The following DLGAP2 variants were observed in gnomAD, a reference collection of about 807,000 sequenced individuals.
DLGAP2 encodes the protein DLG associated protein 2.
DLGAP2 carries 26 observed loss-of-function variants against 100.3 expected under a neutral mutation model. The ratio of observed to expected loss-of-function variants is 0.26; its 90% CI spans 0.19 to 0.36. The LOEUF is 0.36. Ranked by LOEUF, DLGAP2 falls within the 10% of genes least tolerant of loss-of-function variation. DLGAP2 has a pLI of 1.00. For synonymous variants in DLGAP2, 886 were observed against 630.1 expected (o/e 1.41, Z -6.08); for missense variants, 1,858 against 1,453.2 (o/e 1.28, Z -4.53).
At chr8:1,284,947 C>T (rs1314727597) in intron 3 of DLGAP2, among the ~76,000 whole-genome samples, 1 of 152,220 alleles carries the variant, frequency 6.6e-6, no homozygotes, top group African/African-American at 2.4e-5. Context: ...CCCATCTTTG[C>T]ACCAGATTCT....
intron 2 of DLGAP2, among the ~76,000 whole-genome samples, chr8:1,099,907 G>T (rs891669114): frequency 6.6e-6 from 1 of 152,200 alleles, no homozygotes; most frequent in African/African-American, 2.4e-5. Context: ...ATGCCGCAAA[G>T]CTCTTACAGT....
At chr8:1,124,811 G>T (rs1026244221) in intron 2 of DLGAP2, among the ~76,000 whole-genome samples, 3 of 152,186 alleles carry the variant, frequency 2.0e-5, no homozygotes, top group Non-Finnish European at 4.4e-5. Context: ...TCTCGTTTTA[G>T]TGGGTAGAAG....
chr8:1,024,637 A>G (rs1220880101), intron 2 of DLGAP2, among the ~76,000 whole-genome samples: 1 of 152,098 alleles, frequency 6.6e-6, no homozygotes, highest in African/African-American at 2.4e-5. Context: ...ATGACTGGAG[A>G]CAGAACTAAA....
intron 3 of DLGAP2, among the ~76,000 whole-genome samples, chr8:1,377,434 C>T (rs1238600217): frequency 1.3e-5 from 2 of 152,232 alleles, no homozygotes; most frequent in African/African-American, 4.8e-5. Context: ...GTCGCAGCTA[C>T]TCTGGAGGCT....
At chr8:1,032,343 C>T (rs953997602) in intron 2 of DLGAP2, among the ~76,000 whole-genome samples, 3 of 152,236 alleles carry the variant, frequency 2.0e-5, no homozygotes, top group African/African-American at 7.2e-5. Context: ...ACAGTGCCGT[C>T]TGCCTGCCTG....
chr8:1,050,708 G>A (rs2701912), intron 2 of DLGAP2, among the ~76,000 whole-genome samples: 11,205 of 152,108 alleles, frequency 0.074, 667 homozygotes, highest in East Asian at 0.15. Flanking sequence ...CATTACACAC[G>A]TAACACATTT....
At chr8:1,469,397 A>T (rs1322725124) in intron 3 of DLGAP2, among the ~76,000 whole-genome samples, 2 of 152,184 alleles carry the variant, frequency 1.3e-5, no homozygotes, top group African/African-American at 4.8e-5. Flanking sequence ...CGTGGCCACC[A>T]TCTCCTCAGG....
At chr8:1,558,990 A>T (rs886950605) in intron 5 of DLGAP2, among the ~76,000 whole-genome samples, 1 of 152,210 alleles carries the variant, frequency 6.6e-6, no homozygotes, top group South Asian at 2.1e-4. Flanking sequence ...AGAGAATATG[A>T]TGATATAATC....
chr8:1,130,058 C>T (rs1005024413), intron 2 of DLGAP2, among the ~76,000 whole-genome samples: 5 of 151,920 alleles, frequency 3.3e-5, no homozygotes, highest in Non-Finnish European at 7.4e-5. Context: ...GGGATCATGT[C>T]GGGCACTTCA....
chr8:832,330 G>T (rs1796798764), intron 1 of DLGAP2, among the ~76,000 whole-genome samples: 1 of 151,992 alleles, frequency 6.6e-6, no homozygotes, highest in South Asian at 2.1e-4. Context: ...TTTCTTCTAG[G>T]GTTTTTATGG....
At chr8:1,630,702 G>GAA (rs753113277) in intron 7 of DLGAP2, among the ~76,000 whole-genome samples, 2 of 136,732 alleles carry the variant, frequency 1.5e-5, no homozygotes, top group East Asian at 2.1e-4. Context: ...ACTCCATCTC[G>GAA]AAAAAAAAAA....
intron 2 of DLGAP2, among the ~76,000 whole-genome samples, chr8:1,132,447 A>T (rs551041746): frequency 2.1e-4 from 32 of 152,210 alleles, no homozygotes; most frequent in Non-Finnish European, 4.0e-4. Flanking sequence ...GAGGAGTGCA[A>T]GGTTAAGAAT....
chr8:1,556,799 A>G (rs1214702619), intron 5 of DLGAP2, among the ~76,000 whole-genome samples: 1 of 152,212 alleles, frequency 6.6e-6, no homozygotes, highest in Non-Finnish European at 1.5e-5. Context: ...AACAAACAGG[A>G]AAGGAAAGAC....
intron 3 of DLGAP2, among the ~76,000 whole-genome samples, chr8:1,419,319 A>G (rs1446377353): frequency 1.1e-5 from 1 of 93,598 alleles, no homozygotes; most frequent in Non-Finnish European, 2.0e-5. Context: ...TTACACTCTG[A>G]TACGTGTGTG....
chr8:1,095,534 G>C (rs1410313984), intron 2 of DLGAP2, among the ~76,000 whole-genome samples: 1 of 152,202 alleles, frequency 6.6e-6, no homozygotes, highest in Non-Finnish European at 1.5e-5. Flanking sequence ...CCCTTGCTTT[G>C]ATTTTAGTAA....
chr8:943,317 G>A (rs1584909879), intron 2 of DLGAP2, among the ~76,000 whole-genome samples: 3 of 152,162 alleles, frequency 2.0e-5, no homozygotes, highest in African/African-American at 7.2e-5. Context: ...AAAATCATAC[G>A]GCGAGATTTT....
chr8:762,076 T>C (rs1291215465), intron 1 of DLGAP2, among the ~76,000 whole-genome samples: 4 of 152,184 alleles, frequency 2.6e-5, no homozygotes, highest in African/African-American at 9.7e-5. Flanking sequence ...AGTCAAAGGC[T>C]GTGCTATGTA....
At chr8:1,177,906 A>T (rs542155207) in intron 2 of DLGAP2, among the ~76,000 whole-genome samples, 34 of 152,296 alleles carry the variant, frequency 2.2e-4, no homozygotes, top group African/African-American at 7.7e-4. Context: ...TTTCAGGGAG[A>T]TGCATTCCGG....
intron 3 of DLGAP2, among the ~76,000 whole-genome samples, chr8:1,311,796 G>C (rs1800620458): frequency 6.6e-6 from 1 of 152,068 alleles, no homozygotes; most frequent in Non-Finnish European, 1.5e-5. Flanking sequence ...AAGACATCCA[G>C]TTTCCTGTCC....
Sources: allele counts gnomAD v4.1 joint callset (sites outside exome capture counted in the v4.1 genomes callset), GRCh38; gene constraint gnomAD v4.1.1; transcripts MANE v1.5; gene names NCBI Gene and HGNC (gene_info 2026-07-23, HGNC 2026-07-21).